The following IL1R1 variants were observed in gnomAD, a reference collection of about 807,000 sequenced individuals.
The protein encoded by IL1R1 is interleukin-1 receptor type 1.
A neutral mutation model predicts 50.2 loss-of-function variants in IL1R1; 22 were observed. The observed-to-expected ratio is 0.44, with a 90% CI of 0.31 to 0.63. IL1R1 has a LOEUF of 0.63. Among genes scored for constraint, IL1R1 ranks in the 20% least tolerant of loss-of-function variants. The pLI is 0.07. For missense variants in IL1R1, 509 were observed against 676.2 expected (o/e 0.75, Z 2.74); for synonymous variants, 251 against 236.7 (o/e 1.06, Z -0.55).
In IL1R1 at chr2:102,078,601, A is replaced by ACACACACACAC. The variant is rs1159929134; in HGVS notation, c.-84+8068_-84+8069insCACACACACAC. 2.3e-3 allele frequency among the ~76,000 whole-genome samples: 307 copies of ACACACACACAC among 133,450 alleles called. 7 individuals carry two copies. The highest frequency in any genetic ancestry group is 0.011 in the East Asian group (51 of 4,444). 87.5% of individuals were successfully genotyped at this position (133,450 alleles called of 152,430 possible). ...ACACACACACACACACACACACACAAGAAAAAAAAAAGGAAAAAAGCCCAT... is the reference window on the plus strand; with the variant it reads ...ACACACACACACACACACACACACAACACACACACACGAAAAAAAAAAGGAAAAAAGCCCAT... On this transcript the variant is annotated intron_variant, in intron 1 of 11. Transcript: ENST00000409929.
chr2:102,144,001 T>C (rs1210587573), intron 1 of IL1R1, among the ~76,000 whole-genome samples: 1 of 152,210 alleles, frequency 6.6e-6, no homozygotes, highest in Non-Finnish European at 1.5e-5. Context: ...CTTCTGGACA[T>C]TGAATGTATG....
rs1559510950 is a variant in IL1R1 at position 102,175,636 on chromosome 2, G to A, written c.1294G>A (p.Val432Ile). The A allele has an allele frequency of 5.0e-6, 8 of 1,613,928 alleles. No homozygotes were observed. Among genetic ancestry groups the A allele is most frequent in the East Asian group, 2.2e-5 (1 of 44,856 alleles). Residue 432 changes from valine to isoleucine, a missense_variant, in exon 11 of 12, where the codon GTT becomes ATT. By Grantham distance (29) the Val-to-Ile change is conservative. Coordinates refer to ENST00000410023, the MANE Select transcript of IL1R1 (RefSeq NM_000877.4). ...KLFIYGRDDY[V>I]GEDIVEVINE... ...GTTCATTTATGGAAGGGATGACTAC[G>A]TTGGGGAAGGTATGTGTGTAATGGA...
intron 1 of IL1R1, among the ~76,000 whole-genome samples, chr2:102,126,586 A>C (rs552500813): frequency 6.6e-6 from 1 of 152,054 alleles, no homozygotes; most frequent in African/African-American, 2.4e-5. Flanking sequence ...GAGATGTTTG[A>C]AAGGTTTTTT....
intron 1 of IL1R1, among the ~76,000 whole-genome samples, chr2:102,098,145 T>C (rs931819508): frequency 5.3e-5 from 8 of 152,046 alleles, no homozygotes; most frequent in African/African-American, 1.7e-4. Flanking sequence ...ATATCATATA[T>C]AGAGTAAGGG....
chr2:102,080,694 T>G (rs989752830), intron 1 of IL1R1, among the ~76,000 whole-genome samples: 3 of 152,198 alleles, frequency 2.0e-5, no homozygotes, highest in African/African-American at 7.2e-5. Flanking sequence ...GCCATATGAC[T>G]CAGCAATTCC....
chr2:102,075,958 G>A (rs1025410134), intron 1 of IL1R1, among the ~76,000 whole-genome samples: 4 of 152,178 alleles, frequency 2.6e-5, no homozygotes, highest in Non-Finnish European at 5.9e-5. Context: ...CTAATTTCAA[G>A]TGATATTGTA....
chr2:102,135,037 A>G (rs1392234256), intron 1 of IL1R1, among the ~76,000 whole-genome samples: 1 of 152,248 alleles, frequency 6.6e-6, no homozygotes, highest in Non-Finnish European at 1.5e-5. Flanking sequence ...GCAGAGGACC[A>G]TAACTCATTT....
chr2:102,155,577 G>A (rs1003504150), intron 2 of IL1R1, among the ~76,000 whole-genome samples: 11 of 152,152 alleles, frequency 7.2e-5, no homozygotes, highest in African/African-American at 1.7e-4. Context: ...GACCCTTAAC[G>A]CCCATCCCAA....
intron 1 of IL1R1, among the ~76,000 whole-genome samples, chr2:102,135,344 T>A (rs1373940313): frequency 1.3e-5 from 2 of 152,302 alleles, no homozygotes; most frequent in Non-Finnish European, 2.9e-5. Flanking sequence ...GAGTTGCCTA[T>A]GAATGTTTTG....
At chr2:102,071,027 A>G (rs892208667) in intron 1 of IL1R1, among the ~76,000 whole-genome samples, 1 of 152,146 alleles carries the variant, frequency 6.6e-6, no homozygotes, top group African/African-American at 2.4e-5. Context: ...GGATAAGGTT[A>G]TGTAAATTGA....
rs1349681199 is a variant in IL1R1 at position 102,177,195 on chromosome 2, G to C, written c.*436G>C. The C allele has an allele frequency of 1.1e-5, 2 of 188,058 alleles. No individual in the cohort carries two copies. The highest frequency in any genetic ancestry group is 2.3e-5 in the Non-Finnish European group (2 of 87,446). 11.6% of individuals were successfully genotyped at this position (188,058 alleles called of 1,614,324 possible). ...GCAGGAGAATTGCTTGAACCGGGGAGACGGAGGTTGCAGTGAGCCGAGTTT... is the reference window on the plus strand; with the variant it reads ...GCAGGAGAATTGCTTGAACCGGGGACACGGAGGTTGCAGTGAGCCGAGTTT... On this transcript the variant is annotated 3_prime_UTR_variant, in exon 12 of 12. Coordinates refer to ENST00000410023, the MANE Select transcript of IL1R1 (RefSeq NM_000877.4).
chr2:102,126,042 C>G (rs1237840133), intron 1 of IL1R1, among the ~76,000 whole-genome samples: 1 of 152,220 alleles, frequency 6.6e-6, no homozygotes, highest in East Asian at 1.9e-4. Flanking sequence ...ATCAGTGGTT[C>G]TTAACTTCAA....
chr2:102,162,282 A>G (rs1478796637), intron 3 of IL1R1, among the ~76,000 whole-genome samples: 2 of 152,128 alleles, frequency 1.3e-5, no homozygotes, highest in East Asian at 1.9e-4. Flanking sequence ...TATTTATAAA[A>G]TGTCTGTATG....
chr2:102,165,371 T>C, intron 5 of IL1R1, 67 bp downstream of exon 5: 1 of 815,786 alleles, frequency 1.2e-6, no homozygotes. Flanking sequence ...GACAATAGAA[T>C]GTATCTGCAA....
At chr2:102,131,289 C>T (rs965768253) in intron 1 of IL1R1, among the ~76,000 whole-genome samples, 5 of 152,090 alleles carry the variant, frequency 3.3e-5, no homozygotes, top group Admixed American at 6.5e-5. Flanking sequence ...CATCCTAAGA[C>T]ACAAAAATAT....
At chr2:102,090,165 T>G (rs1679603837) in intron 1 of IL1R1, among the ~76,000 whole-genome samples, 1 of 151,584 alleles carries the variant, frequency 6.6e-6, no homozygotes, top group African/African-American at 2.4e-5. Context: ...TTTTTTTTTT[T>G]TGTAATTTGG....
intron 2 of IL1R1, among the ~76,000 whole-genome samples, chr2:102,155,449 C>A (rs767523791): frequency 1.3e-4 from 20 of 152,198 alleles, no homozygotes; most frequent in Non-Finnish European, 2.6e-4. Context: ...CTTGGAATTT[C>A]TGTGTTATTC....
At chr2:102,093,568 A>AAT (rs1256696678) in intron 1 of IL1R1, among the ~76,000 whole-genome samples, 1 of 152,160 alleles carries the variant, frequency 6.6e-6, no homozygotes, top group Non-Finnish European at 1.5e-5. Context: ...ATTCTGGATT[A>AAT]ATTTGCATTT....
upstream of IL1R1, among the ~76,000 whole-genome samples, chr2:102,140,958 C>A (rs939822077): frequency 6.6e-6 from 1 of 152,158 alleles, no homozygotes; most frequent in African/African-American, 2.4e-5. Flanking sequence ...GGGGACAACA[C>A]TTAAAAAAGA....
Sources: gnomAD v4.1 joint callset for allele counts (sites outside exome capture counted in the v4.1 genomes callset) on GRCh38, gnomAD v4.1.1 for gene constraint, MANE v1.5 for transcripts, NCBI Gene and HGNC (gene_info 2026-07-23, HGNC 2026-07-21) for gene names.